CSGALNACT1: variants seen among roughly 807,000 people sequenced by gnomAD.
CSGALNACT1 encodes the protein chondroitin sulfate N-acetylgalactosaminyltransferase 1.
CSGALNACT1 carries 52 observed loss-of-function variants against 51.0 expected under a neutral mutation model. The observed-to-expected ratio is 1.02, with a 90% CI of 0.82 to 1.29. CSGALNACT1 has a LOEUF of 1.29. Ranked by LOEUF, CSGALNACT1 falls within the 50% of genes most tolerant of loss-of-function variation. The pLI is 0.00. For synonymous variants in CSGALNACT1, 341 were observed against 254.4 expected (o/e 1.34, Z -3.24); for missense variants, 935 against 679.2 (o/e 1.38, Z -4.19).
At chr8:19,493,595 T>C (rs1265409742) in intron 4 of CSGALNACT1, among the ~76,000 whole-genome samples, 6 of 152,360 alleles carry the variant, frequency 3.9e-5, no homozygotes, top group African/African-American at 1.4e-4. Context: ...TTATAGGACA[T>C]GTAGTCTTTG....
At chr8:19,446,981 C>G (rs544378047) in intron 5 of CSGALNACT1, among the ~76,000 whole-genome samples, 12 of 152,170 alleles carry the variant, frequency 7.9e-5, no homozygotes, top group Non-Finnish European at 1.2e-4. Flanking sequence ...TATTTCCTAT[C>G]ACAAAACATG....
chr8:19,599,130 G>A (rs189456783), intron 2 of CSGALNACT1, among the ~76,000 whole-genome samples: 17 of 151,952 alleles, frequency 1.1e-4, no homozygotes, highest in African/African-American at 3.4e-4. Context: ...AGCACAGGTC[G>A]GGGAGGGGGA....
At chr8:19,693,515 G>A (rs1322367217) in intron 1 of CSGALNACT1, among the ~76,000 whole-genome samples, 1 of 152,052 alleles carries the variant, frequency 6.6e-6, no homozygotes, top group Non-Finnish European at 1.5e-5. Context: ...TTTATTGCAT[G>A]GGCCATGACT....
At chr8:19,618,438 C>T (rs1159344066) in intron 1 of CSGALNACT1, among the ~76,000 whole-genome samples, 2 of 151,548 alleles carry the variant, frequency 1.3e-5, no homozygotes, top group Non-Finnish European at 1.5e-5. Context: ...GTCAGGAGTT[C>T]AAGACCAGCC....
intron 3 of CSGALNACT1, among the ~76,000 whole-genome samples, chr8:19,575,747 G>A (rs1006722109): frequency 3.9e-5 from 6 of 151,918 alleles, no homozygotes; most frequent in East Asian, 1.9e-4. Flanking sequence ...AGAGCAGAAC[G>A]GCTTGGATTT....
intron 1 of CSGALNACT1, among the ~76,000 whole-genome samples, chr8:19,728,695 T>A (rs575804456): frequency 1.3e-5 from 2 of 152,320 alleles, no homozygotes; most frequent in African/African-American, 4.8e-5. Context: ...AGAGGCACGC[T>A]GCCTCTGCAT....
chr8:19,446,884 A>G (rs1253577302), intron 5 of CSGALNACT1, among the ~76,000 whole-genome samples: 1 of 152,056 alleles, frequency 6.6e-6, no homozygotes, highest in African/African-American at 2.4e-5. Flanking sequence ...ACAAAAATAA[A>G]CCCATAAACC....
intron 1 of CSGALNACT1, among the ~76,000 whole-genome samples, chr8:19,659,639 T>G (rs906217317): frequency 2.0e-5 from 3 of 152,226 alleles, no homozygotes; most frequent in Non-Finnish European, 4.4e-5. Context: ...GGTATCAGCT[T>G]AAATTCTCAT....
At chr8:19,633,141 C>G (rs948191425) in intron 1 of CSGALNACT1, among the ~76,000 whole-genome samples, 2 of 151,934 alleles carry the variant, frequency 1.3e-5, no homozygotes, top group Admixed American at 6.6e-5. Context: ...TTAAACATTT[C>G]CAGTGAGGGA....
intron 3 of CSGALNACT1, among the ~76,000 whole-genome samples, chr8:19,519,194 TG>T (rs969483897): frequency 6.6e-6 from 1 of 151,974 alleles, no homozygotes; most frequent in Non-Finnish European, 1.5e-5. Flanking sequence ...GCCCTGGGGG[TG>T]GGGGTCTACC....
At chr8:19,519,619 G>C (rs1277738380) in intron 3 of CSGALNACT1, among the ~76,000 whole-genome samples, 1 of 152,128 alleles carries the variant, frequency 6.6e-6, no homozygotes, top group Non-Finnish European at 1.5e-5. Flanking sequence ...ATCATGCTTT[G>C]ATCCGAAGGC....
chr8:19,533,545 A>G (rs768369045), intron 3 of CSGALNACT1, among the ~76,000 whole-genome samples: 2 of 152,158 alleles, frequency 1.3e-5, no homozygotes, highest in Non-Finnish European at 2.9e-5. Flanking sequence ...TGTACCTTCT[A>G]TCCTGCTTGG....
chr8:19,543,462 G>C (rs960141802), intron 3 of CSGALNACT1, among the ~76,000 whole-genome samples: 3 of 152,188 alleles, frequency 2.0e-5, no homozygotes, highest in African/African-American at 4.8e-5. Context: ...GCTGTGCCTA[G>C]ACTGTTTGTA....
At chr8:19,641,121 G>A (rs1179796753) in intron 1 of CSGALNACT1, among the ~76,000 whole-genome samples, 1 of 138,510 alleles carries the variant, frequency 7.2e-6, no homozygotes, top group East Asian at 2.1e-4. Context: ...CAATAATGGT[G>A]ACTGGTCTTT....
chr8:19,726,263 A>G (rs1412239149), intron 1 of CSGALNACT1, among the ~76,000 whole-genome samples: 1 of 152,230 alleles, frequency 6.6e-6, no homozygotes, highest in Non-Finnish European at 1.5e-5. Flanking sequence ...CCTTTGATAA[A>G]TGAAATAGCC....
chr8:19,457,421 C>T (rs893955851), intron 5 of CSGALNACT1: 3 of 358,376 alleles, frequency 8.4e-6, no homozygotes, highest in Non-Finnish European at 1.6e-5. Flanking sequence ...AAGACTAGCC[C>T]GGCCAAAATG....
chr8:19,536,726 A>C (rs2083827533), intron 3 of CSGALNACT1, among the ~76,000 whole-genome samples: 1 of 152,214 alleles, frequency 6.6e-6, no homozygotes, highest in African/African-American at 2.4e-5. Flanking sequence ...AGAAAAATGA[A>C]GTGGGAGAAA....
chr8:19,538,931 G>T (rs929346468), intron 3 of CSGALNACT1, among the ~76,000 whole-genome samples: 2 of 152,132 alleles, frequency 1.3e-5, no homozygotes, highest in Non-Finnish European at 2.9e-5. Flanking sequence ...CTGAGATGTT[G>T]TCCCTCCTGG....
chr8:19,733,599 C>A (rs2063803975), intron 1 of CSGALNACT1, among the ~76,000 whole-genome samples: 1 of 152,150 alleles, frequency 6.6e-6, no homozygotes, highest in Admixed American at 6.5e-5. Flanking sequence ...CAGAGGGTAA[C>A]AAAGGCAATG....
Sources: allele counts gnomAD v4.1 joint callset (sites outside exome capture counted in the v4.1 genomes callset), GRCh38; gene constraint gnomAD v4.1.1; transcripts MANE v1.5; gene names NCBI Gene and HGNC (gene_info 2026-07-23, HGNC 2026-07-21).